RASGRF2: variants seen among roughly 807,000 people sequenced by gnomAD.
RASGRF2 encodes ras-specific guanine nucleotide-releasing factor 2.
Under a neutral mutation model 151.0 loss-of-function variants are expected in RASGRF2, and 76 were observed. The observed-to-expected ratio is 0.50, with a 90% confidence interval of 0.42 to 0.61. RASGRF2 has a LOEUF of 0.61. RASGRF2 is among the 20% of genes least tolerant of loss of function. RASGRF2 has a pLI of 0.00. For missense variants in RASGRF2, 1,148 were observed against 1,564.6 expected, an observed-to-expected ratio of 0.73 and a Z score of 4.49; for synonymous variants, 504 against 566.5, an observed-to-expected ratio of 0.89 and a Z score of 1.57.
intron 1 of RASGRF2, among the ~76,000 whole-genome samples, chr5:80,983,977 T>TATA (rs1399881366): frequency 1.1e-4 from 16 of 152,366 alleles, no homozygotes; most frequent in Admixed American, 2.6e-4. Context: ...AGTGCTGATC[T>TATA]ATAATATAGC....
chr5:81,228,795 G>A lies in RASGRF2; in HGVS notation c.*3025G>A, dbSNP rs1365105327. ...AGTAAAACGTCGTCACTTTTCCTTA[G>A]TGCTTTTCTGAAGGAATTTAAAGAC... On this transcript the variant is annotated 3_prime_UTR_variant, in exon 27 of 27. Coordinates refer to ENST00000265080, the MANE Select transcript of RASGRF2 (RefSeq NM_006909.3). 1 of 152,114 alleles carries A rather than the reference G, an allele frequency of 6.6e-6. No homozygotes were observed. The highest frequency in any genetic ancestry group is 6.5e-5 in the Admixed American group (1 of 15,276). 9.4% of individuals were successfully genotyped at this position (152,114 alleles called of 1,614,324 possible). A position where few individuals can be genotyped will look rare whatever the true frequency, so the allele number is the denominator to read the frequency against.
Position 81,070,490 on chromosome 5 carries a change from A to G in RASGRF2, c.544-2A>G. ...ATGAAATGGACCAACTTTGTGTTCCAGATTATTGCTCTTAATAAAACCAAA... is the reference window on the plus strand; with the variant it reads ...ATGAAATGGACCAACTTTGTGTTCCGGATTATTGCTCTTAATAAAACCAAA... On this transcript the variant is annotated splice_acceptor_variant, in intron 3 of 26. Transcript: ENST00000265080. LOFTEE classifies it high-confidence loss of function. 1 of 1,593,582 alleles carries G rather than the reference A, an allele frequency of 6.3e-7. No homozygotes were observed. The highest frequency in any genetic ancestry group is 8.6e-7 in the Non-Finnish European group (1 of 1,161,428).
intron 2 of RASGRF2, among the ~76,000 whole-genome samples, chr5:81,063,800 T>TC (rs1195390451): frequency 6.6e-6 from 1 of 152,192 alleles, no homozygotes; most frequent in Non-Finnish European, 1.5e-5. Context: ...ATCTTTTTTT[T>TC]CCAAGAACGC....
At chr5:80,971,054 T>C (rs2112217521) in intron 1 of RASGRF2, among the ~76,000 whole-genome samples, 1 of 152,340 alleles carries the variant, frequency 6.6e-6, no homozygotes, top group African/African-American at 2.4e-5. Context: ...CAATTGTTCT[T>C]GTAACAATAA....
intron 26 of RASGRF2, among the ~76,000 whole-genome samples, chr5:81,220,376 C>T (rs2124888): frequency 0.42 from 63,630 of 152,070 alleles, 13,781 homozygotes; most frequent in Middle Eastern, 0.52. Flanking sequence ...CACAGAAAAA[C>T]TGAGAAGGTA....
chr5:80,995,856 C>A (rs901218488), intron 1 of RASGRF2, among the ~76,000 whole-genome samples: 3 of 151,998 alleles, frequency 2.0e-5, no homozygotes, highest in East Asian at 1.9e-4. Context: ...TCAAGCCTGG[C>A]TAATTTTTGT....
At position 80,960,590 on chromosome 5, in the gene RASGRF2, G is replaced by T; in HGVS notation, c.-149G>T. 3 of 733,914 alleles carry T rather than the reference G, an allele frequency of 4.1e-6. No individual in the cohort carries two copies. Among genetic ancestry groups the T allele is most frequent in the Non-Finnish European group, 3.7e-6 (2 of 540,562 alleles). The allele number at this position is 733,914 out of a possible 1,614,324, so 45.5% of individuals were successfully genotyped here. A position where few individuals can be genotyped will look rare whatever the true frequency, so the allele number is the denominator to read the frequency against. On this transcript the variant is annotated 5_prime_UTR_variant, in exon 1 of 27. Coordinates refer to ENST00000265080, the MANE Select transcript of RASGRF2 (RefSeq NM_006909.3). The surrounding 1 kb of genome is among the most constrained non-coding windows in gnomAD (Gnocchi z 5.5). ...GCGCGCCGCGGCCTCCCGAAAGCGG[G>T]CGGGGTGCCCTGCGCGCGGCGTGGG... is the stretch of plus-strand genomic sequence containing the variant.
intron 17 of RASGRF2, among the ~76,000 whole-genome samples, chr5:81,166,399 G>T (rs1354033096): frequency 6.6e-6 from 1 of 152,016 alleles, no homozygotes; most frequent in Non-Finnish European, 1.5e-5. Flanking sequence ...TGTTGGTCAG[G>T]CTGGTCTCGA....
Position 81,180,170 on chromosome 5 carries a change from C to G in RASGRF2, c.2687-5C>G. On this transcript the variant is annotated splice_polypyrimidine_tract_variant and splice_region_variant and intron_variant, in intron 17 of 26. Transcript: ENST00000265080. ...CAACACGTGTGTGTTTCTTTTTCTCCTAAGGCTTTAACAACACCGAGAGAA... is the reference window on the plus strand; with the variant it reads ...CAACACGTGTGTGTTTCTTTTTCTCGTAAGGCTTTAACAACACCGAGAGAA... 6.4e-7 allele frequency: 1 copy of G among 1,568,864 alleles called. No individual in the cohort carries two copies.
rs1454157663 is a variant in RASGRF2, at chr5:81,070,372, A to G, written c.544-120A>G. 1.6e-5 allele frequency: 12 copies of G among 757,904 alleles called. No individual in the cohort carries two copies. The East Asian group carries it at 2.8e-4, about 17-fold the overall frequency. The allele number at this position is 757,904 out of a possible 1,614,324, so 46.9% of individuals were successfully genotyped here. Reference sequence around the variant, plus strand: ...TCAGCACCAAAGGAAGAGAGTGTGCATAAAAAGTGGGTGTTTCCTGAGGAT... The same window carrying G: ...TCAGCACCAAAGGAAGAGAGTGTGCGTAAAAAGTGGGTGTTTCCTGAGGAT... On this transcript the variant is annotated intron_variant, in intron 3 of 26. Coordinates refer to ENST00000265080, the MANE Select transcript of RASGRF2 (RefSeq NM_006909.3).
At chr5:81,006,088 A>G (rs1214816306) in intron 1 of RASGRF2, among the ~76,000 whole-genome samples, 1 of 152,260 alleles carries the variant, frequency 6.6e-6, no homozygotes, top group African/African-American at 2.4e-5. Context: ...GGACTTTAAT[A>G]TTTATTTATT....
chr5:80,993,544 G>A (rs907069659), intron 1 of RASGRF2, among the ~76,000 whole-genome samples: 16 of 152,288 alleles, frequency 1.1e-4, no homozygotes, highest in African/African-American at 3.9e-4. Context: ...GCAAGAAAGA[G>A]CTGACATTCT....
At chr5:81,143,200 G>A (rs1351939001) in intron 17 of RASGRF2, among the ~76,000 whole-genome samples, 1 of 151,890 alleles carries the variant, frequency 6.6e-6, no homozygotes, top group Non-Finnish European at 1.5e-5. Context: ...ACAGGCTAGA[G>A]TGCAGTGGCG....
chr5:81,032,456 G>A (rs1174822773), intron 1 of RASGRF2, among the ~76,000 whole-genome samples: 2 of 152,170 alleles, frequency 1.3e-5, no homozygotes, highest in East Asian at 3.8e-4. Flanking sequence ...CCACAATCAA[G>A]TTGGCTTCAT....
chr5:81,149,824 C>T (rs1354625032), intron 17 of RASGRF2, among the ~76,000 whole-genome samples: 1 of 152,086 alleles, frequency 6.6e-6, no homozygotes, highest in Non-Finnish European at 1.5e-5. Flanking sequence ...CTAGCATTGC[C>T]CTGCCATCTT....
At chr5:81,030,231 G>T (rs1013746994) in intron 1 of RASGRF2, among the ~76,000 whole-genome samples, 1 of 152,154 alleles carries the variant, frequency 6.6e-6, no homozygotes, top group Admixed American at 6.5e-5. Context: ...ACTCTTCAGG[G>T]TATTATCCAG....
intron 19 of RASGRF2, among the ~76,000 whole-genome samples, chr5:81,205,227 C>G (rs543376548): frequency 6.6e-6 from 1 of 152,254 alleles, no homozygotes; most frequent in African/African-American, 2.4e-5. Flanking sequence ...GCTCCTGCTC[C>G]CCCTTCAGAC....
intron 22 of RASGRF2, among the ~76,000 whole-genome samples, chr5:81,210,729 G>A (rs1457698084): frequency 2.0e-5 from 3 of 152,120 alleles, no homozygotes; most frequent in African/African-American, 7.2e-5. Flanking sequence ...TGTCATACAA[G>A]AGCACAGCCC....
At chr5:81,009,684 A>T (rs1749392734) in intron 1 of RASGRF2, among the ~76,000 whole-genome samples, 1 of 152,240 alleles carries the variant, frequency 6.6e-6, no homozygotes, top group African/African-American at 2.4e-5. Flanking sequence ...GGCAAATGTA[A>T]TTTAAGTAAA....
Sources: allele counts gnomAD v4.1 joint callset (sites outside exome capture counted in the v4.1 genomes callset), GRCh38; gene constraint gnomAD v4.1.1; non-coding constraint Gnocchi (gnomAD v3.1); transcripts MANE v1.5; gene names NCBI Gene and HGNC (gene_info 2026-07-23, HGNC 2026-07-21).